CACNB2: variants seen among roughly 807,000 people sequenced by gnomAD.
The protein encoded by CACNB2 is voltage-dependent L-type calcium channel subunit beta-2.
CACNB2 carries 42 observed loss-of-function variants against 73.3 expected under a neutral mutation model. The observed-to-expected ratio is 0.57, with a 90% CI of 0.45 to 0.74. The LOEUF is 0.74. Among genes scored for constraint, CACNB2 ranks in the 30% least tolerant of loss-of-function variants. CACNB2 has a pLI of 0.00. For missense variants in CACNB2, 940 were observed against 853.0 expected, an observed-to-expected ratio of 1.10 and a Z score of -1.27; for synonymous variants, 348 against 310.3, an observed-to-expected ratio of 1.12 and a Z score of -1.28.
At chr10:18,226,774 C>G (rs2036009177) in intron 2 of CACNB2, among the ~76,000 whole-genome samples, 1 of 152,114 alleles carries the variant, frequency 6.6e-6, no homozygotes, top group Non-Finnish European at 1.5e-5. Flanking sequence ...AAGAAGTAAG[C>G]CAGGAAATAT....
chr10:18,228,194 C>T (rs968639605), intron 2 of CACNB2, among the ~76,000 whole-genome samples: 6 of 151,880 alleles, frequency 4.0e-5, no homozygotes, highest in Admixed American at 1.3e-4. Flanking sequence ...GAGGCCAAGG[C>T]GGGTGAATCA....
rs376222853 is a variant in CACNB2, at chr10:18,534,064, C to T, written c.1055-12C>T. 268 of 1,613,812 alleles carry T rather than the reference C, an allele frequency of 1.7e-4. No individual in the cohort carries two copies. Among genetic ancestry groups the T allele is most frequent in the Non-Finnish European group, 2.0e-4 (238 of 1,179,746 alleles). Reference sequence around the variant, plus strand: ...ATACTGCACTTTAACTGAATTGTTTCGCCCTTTACAGCGGAAGTTCAGAGT... The same window carrying T: ...ATACTGCACTTTAACTGAATTGTTTTGCCCTTTACAGCGGAAGTTCAGAGT... On this transcript the variant is annotated splice_polypyrimidine_tract_variant and intron_variant, in intron 10 of 13. Transcript: ENST00000324631.
intron 3 of CACNB2, among the ~76,000 whole-genome samples, chr10:18,411,076 C>G (rs897425162): frequency 1.3e-5 from 2 of 152,140 alleles, no homozygotes; most frequent in African/African-American, 2.4e-5. Flanking sequence ...ATATTTTAGG[C>G]TGAAATTATT....
At chr10:18,303,735 C>T (rs920882046) in intron 2 of CACNB2, among the ~76,000 whole-genome samples, 3 of 152,234 alleles carry the variant, frequency 2.0e-5, no homozygotes, top group African/African-American at 7.2e-5. Flanking sequence ...CTTGGGGGTG[C>T]GTGTCCAGCG....
chr10:18,260,773 A>G lies in CACNB2; in HGVS notation c.213+109798A>G, dbSNP rs544534276. The G allele has an allele frequency of 8.0e-6, 8 of 1,006,006 alleles. No individual in the cohort carries two copies. In the East Asian group the frequency reaches 7.7e-4, roughly 97 times the overall value. 62.3% of individuals were successfully genotyped at this position (1,006,006 alleles called of 1,614,324 possible). ...GAGCAGCCGCGGGAGCAGGAACAGC[A>G]GCGTGCTAAGAAGCAGTCACATAAA... On this transcript the variant is annotated intron_variant, in intron 2 of 13. Transcript: ENST00000324631.
chr10:18,519,665 C>T (rs2051650261), intron 9 of CACNB2: 1 of 454,160 alleles, frequency 2.2e-6, no homozygotes, highest in Admixed American at 2.4e-5. Context: ...ATTCCTATCA[C>T]ATTGACCTCA....
chr10:18,140,927 G>T (rs1002553935), intron 1 of CACNB2, 71 bp downstream of exon 1: 2 of 1,543,284 alleles, frequency 1.3e-6, no homozygotes, highest in Non-Finnish European at 1.7e-6. Context: ...GGGTTCTCCC[G>T]GCGCCTCCAC....
intron 5 of CACNB2, among the ~76,000 whole-genome samples, chr10:18,502,340 G>A (rs1018796530): frequency 1.3e-5 from 2 of 150,794 alleles, no homozygotes; most frequent in Non-Finnish European, 2.9e-5. Flanking sequence ...GTCTTTTGCA[G>A]CAACATGGAT....
At chr10:18,185,163 C>T (rs1313124884) in intron 2 of CACNB2, among the ~76,000 whole-genome samples, 1 of 152,016 alleles carries the variant, frequency 6.6e-6, no homozygotes, top group African/African-American at 2.4e-5. Context: ...GTGACCTTGA[C>T]GGTTTTGAAG....
chr10:18,322,769 A>C (rs1384229391), intron 2 of CACNB2, among the ~76,000 whole-genome samples: 3 of 152,138 alleles, frequency 2.0e-5, no homozygotes, highest in Admixed American at 2.0e-4. Flanking sequence ...CAGCTGGCTA[A>C]GTCATTTACA....
rs373127841 is a variant in CACNB2 at position 18,140,707 on chromosome 10, G to A, written c.-30G>A. The A allele has an allele frequency of 6.7e-4, 1,059 of 1,574,706 alleles. 13 individuals carry two copies. In the Middle Eastern group the frequency reaches 0.013, roughly 19 times the overall value. ...GGAGGGGACCCGCCGCCGGGGGCTGGCTGCTTCGCTCCGAGCCGACTTTTC... is the reference window on the plus strand; with the variant it reads ...GGAGGGGACCCGCCGCCGGGGGCTGACTGCTTCGCTCCGAGCCGACTTTTC... On this transcript the variant is annotated 5_prime_UTR_variant, in exon 1 of 14. Transcript: ENST00000324631.
chr10:18,294,580 G>A lies in CACNB2; in HGVS notation c.214-107344G>A, dbSNP rs866165627. Among the ~76,000 whole-genome samples the A allele has an allele frequency of 9.2e-5, 14 of 152,228 alleles. 1 individual carries two copies. Among genetic ancestry groups the A allele is most frequent in the Admixed American group, 5.9e-4 (9 of 15,286 alleles). ...AATAGAACAGGGAAGGGGTTAGGAA[G>A]TGCCAGGAATTGAGAGGTGGTGTTG... On this transcript the variant is annotated intron_variant, in intron 2 of 13. Coordinates refer to ENST00000324631, the MANE Select transcript of CACNB2 (RefSeq NM_201596.3).
At position 18,538,100 on chromosome 10, in the gene CACNB2, C is replaced by A. The variant is rs2053785199; in HGVS notation, c.1303-80C>A. ...GTACAAAGGGGTGCAGCTCATGAGC[C>A]CCTTCCTCCTCTTATGGAGGTGGGA... On this transcript the variant is annotated intron_variant, in intron 12 of 13. Coordinates refer to ENST00000324631, the MANE Select transcript of CACNB2 (RefSeq NM_201596.3). The A allele has an allele frequency of 5.2e-5, 70 of 1,350,242 alleles. 3 individuals carry two copies. In the South Asian group the frequency reaches 8.2e-4, roughly 16 times the overall value. 83.6% of individuals were successfully genotyped at this position (1,350,242 alleles called of 1,614,324 possible).
intron 2 of CACNB2, among the ~76,000 whole-genome samples, chr10:18,284,472 T>C (rs2038700247): frequency 6.6e-6 from 1 of 152,186 alleles, no homozygotes. Flanking sequence ...TGCTAAAGTA[T>C]CCTTGATTGA....
chr10:18,220,108 TTA>T (rs1489666673), intron 2 of CACNB2, among the ~76,000 whole-genome samples: 1 of 44,326 alleles, frequency 2.3e-5, no homozygotes, highest in South Asian at 7.1e-4. Context: ...TTTTTATTTT[TTA>T]ATATATATAT....
At chr10:18,401,090 C>G (rs139184330) in intron 2 of CACNB2, 4 of 1,614,056 alleles carry the variant, frequency 2.5e-6, no homozygotes, top group Non-Finnish European at 3.4e-6. Context: ...CTGAAGAATT[C>G]TGATATCTGT....
chr10:18,349,010 C>T (rs1415691662), intron 2 of CACNB2, among the ~76,000 whole-genome samples: 1 of 152,146 alleles, frequency 6.6e-6, no homozygotes, highest in Non-Finnish European at 1.5e-5. Context: ...GATCCCAGCT[C>T]CTTGGGAGGC....
At chr10:18,436,124 T>C (rs6482423) in intron 3 of CACNB2, among the ~76,000 whole-genome samples, 42,433 of 152,192 alleles carry the variant, frequency 0.28, 6,512 homozygotes, top group Middle Eastern at 0.4. Context: ...ATAAAAGTTG[T>C]TGGCTATTAC....
At chr10:18,442,972 GTATATATATATA>G (rs1171432723) in intron 3 of CACNB2, among the ~76,000 whole-genome samples, 3 of 13,532 alleles carry the variant, frequency 2.2e-4, no homozygotes, top group Non-Finnish European at 3.5e-4. Flanking sequence ...ATATATATGT[GTATATATATATA>G]TGTATATATA....
Sources: gnomAD v4.1 joint callset for allele counts (sites outside exome capture counted in the v4.1 genomes callset) on GRCh38, gnomAD v4.1.1 for gene constraint, MANE v1.5 for transcripts, NCBI Gene and HGNC (gene_info 2026-07-23, HGNC 2026-07-21) for gene names.